INVS: variants seen among roughly 807,000 people sequenced by gnomAD.
INVS encodes inversion of embryo turning homolog.
INVS carries 86 observed loss-of-function variants against 108.8 expected under a neutral mutation model. That is an observed-to-expected ratio of 0.79 (90% CI 0.66 to 0.95). INVS has a LOEUF of 0.95. Among genes scored for constraint, INVS ranks in the 40% least tolerant of loss-of-function variants. INVS has a pLI of 0.00. For synonymous variants in INVS, 455 were observed against 473.5 expected (o/e 0.96, Z 0.51); for missense variants, 1,169 against 1,297.4 (o/e 0.90, Z 1.52).
intron 3 of INVS, chr9:100,175,880 C>T (rs1829696274): frequency 1.6e-6 from 1 of 607,036 alleles, no homozygotes; most frequent in African/African-American, 1.8e-5. Flanking sequence ...AGAGGAATCT[C>T]TGCAAGTCCT....
chr9:100,218,178 A>G (rs1443059901), intron 3 of INVS, among the ~76,000 whole-genome samples: 3 of 152,162 alleles, frequency 2.0e-5, no homozygotes, highest in Non-Finnish European at 4.4e-5. Flanking sequence ...TTTTATACCA[A>G]TTTGTAAATG....
chr9:100,195,423 A>C (rs10819739), intron 3 of INVS, among the ~76,000 whole-genome samples: 79,011 of 151,738 alleles, frequency 0.52, 21,714 homozygotes, highest in African/African-American at 0.64. Flanking sequence ...CTCAAGCAAT[A>C]CTCCCACCTC....
chr9:100,264,904 A>G lies in INVS; in HGVS notation c.1547A>G (p.Asn516Ser), dbSNP rs1564182819. ...CTGCTAGACTTTGCTGCTTTCCCTA[A>G]TCAGATGGAAAACAATGAAGAGAGG... ...KLLLDFAAFP[N>S]QMENNEERYT... Residue 516 changes from asparagine (N) to serine (S), a missense_variant, in exon 11 of 17, where the codon AAT (asparagine) becomes AGT (serine). Around this residue, in one of 3 missense-constraint regions of INVS, gnomAD observed 271 missense variants for 363.8 expected, o/e 0.74. Transcript: ENST00000262457. 1.2e-6 allele frequency: 2 copies of G among 1,611,830 alleles called. No homozygotes were observed. The highest frequency in any genetic ancestry group is 1.7e-5 in the Admixed American group (1 of 59,938).
At chr9:100,161,388 A>AAACAAAAAAAAAAAAC (rs57488885) in intron 3 of INVS, among the ~76,000 whole-genome samples, 2 of 139,046 alleles carry the variant, frequency 1.4e-5, no homozygotes, top group African/African-American at 5.9e-5. Context: ...AAAAAAAAAA[A>AAACAAAAAAAAAAAAC]AAAACCTCAT....
At chr9:100,222,820 T>G (rs1831194140) in intron 3 of INVS, among the ~76,000 whole-genome samples, 1 of 119,792 alleles carries the variant, frequency 8.3e-6, no homozygotes, top group Non-Finnish European at 1.7e-5. Context: ...CTGGGCAAAC[T>G]TTTTTTTTTT....
intron 3 of INVS, among the ~76,000 whole-genome samples, chr9:100,159,072 A>G (rs1467947249): frequency 3.3e-5 from 5 of 152,322 alleles, no homozygotes; most frequent in South Asian, 4.1e-4. Context: ...CTGCAGAACC[A>G]TAAGCCAAAT....
At chr9:100,194,624 T>A (rs570116456) in intron 3 of INVS, among the ~76,000 whole-genome samples, 1 of 152,312 alleles carries the variant, frequency 6.6e-6, no homozygotes, top group East Asian at 1.9e-4. Flanking sequence ...TAGAAGTGAT[T>A]AGAGTAGACA....
At chr9:100,245,880 A>T (rs1207787984) in intron 7 of INVS, among the ~76,000 whole-genome samples, 2 of 152,122 alleles carry the variant, frequency 1.3e-5, no homozygotes, top group African/African-American at 4.8e-5. Context: ...CATGTATTTT[A>T]TGGGCCAGGT....
intron 11 of INVS, among the ~76,000 whole-genome samples, chr9:100,268,680 C>G (rs1374431798): frequency 6.6e-6 from 1 of 152,076 alleles, no homozygotes; most frequent in Non-Finnish European, 1.5e-5. Flanking sequence ...GTTATTCTCT[C>G]TACCTTTTTT....
chr9:100,155,799 C>G (rs979633736), intron 3 of INVS, among the ~76,000 whole-genome samples: 1 of 152,094 alleles, frequency 6.6e-6, no homozygotes, highest in Non-Finnish European at 1.5e-5. Context: ...AAGTGGATCA[C>G]TATATAAAGG....
intron 3 of INVS, among the ~76,000 whole-genome samples, chr9:100,212,130 TTAAAGAC>T (rs1315886405): frequency 3.3e-5 from 5 of 152,276 alleles, no homozygotes; most frequent in East Asian, 1.9e-4. Flanking sequence ...TAAAATCACT[TTAAAGAC>T]TAAGCAACCA....
At chr9:100,170,830 A>C (rs1261386521) in intron 3 of INVS, among the ~76,000 whole-genome samples, 2 of 152,236 alleles carry the variant, frequency 1.3e-5, no homozygotes, top group Non-Finnish European at 2.9e-5. Flanking sequence ...CAACCATGAC[A>C]GGGACTATCC....
intron 14 of INVS, 44 bp from the exon 15 acceptor site, chr9:100,296,873 A>C (rs1461098927): frequency 1.4e-6 from 2 of 1,477,476 alleles, no homozygotes; most frequent in South Asian, 2.3e-5. Flanking sequence ...TAGTTTTCTC[A>C]GTACTGTGAT....
intron 3 of INVS, among the ~76,000 whole-genome samples, chr9:100,153,450 G>A (rs1588043726): frequency 6.6e-6 from 1 of 152,182 alleles, no homozygotes; most frequent in East Asian, 1.9e-4. Flanking sequence ...GCTCAATATT[G>A]TTCGTCATAA....
rs1180172724 is a variant in INVS, at chr9:100,225,947, C to T, written c.274-115C>T. On this transcript the variant is annotated intron_variant, in intron 3 of 16. Coordinates refer to ENST00000262457, the MANE Select transcript of INVS (RefSeq NM_014425.5). ...TACAAGCATTTTTCCTTATTAATTT[C>T]TCTGGATGTTATTACTCTAGGAGAA... 1.0e-5 allele frequency: 7 copies of T among 702,534 alleles called. No homozygotes were observed. In the East Asian group the frequency reaches 1.4e-4, roughly 14 times the overall value. 43.5% of individuals were successfully genotyped at this position (702,534 alleles called of 1,614,324 possible). A position where few individuals can be genotyped will look rare whatever the true frequency, so the allele number is the denominator to read the frequency against.
intron 3 of INVS, among the ~76,000 whole-genome samples, chr9:100,184,716 T>G (rs1830004962): frequency 6.6e-6 from 1 of 151,922 alleles, no homozygotes; most frequent in Non-Finnish European, 1.5e-5. Context: ...TACAAAAAAA[T>G]GCATGTGGGG....
intron 3 of INVS, among the ~76,000 whole-genome samples, chr9:100,218,965 A>G (rs144058967): frequency 1.3e-5 from 2 of 152,350 alleles, no homozygotes; most frequent in East Asian, 3.9e-4. Context: ...AAAAAGGAAA[A>G]CAAAGCAAAC....
chr9:100,300,387 T>C (rs1039600878), intron 16 of INVS, among the ~76,000 whole-genome samples, 181 bp from the exon 17 acceptor site: 1 of 152,148 alleles, frequency 6.6e-6, no homozygotes, highest in Admixed American at 6.5e-5. Flanking sequence ...AGATGTCCCA[T>C]ATCTTGAGAC....
intron 3 of INVS, among the ~76,000 whole-genome samples, chr9:100,183,222 A>G (rs1829949492): frequency 6.6e-6 from 1 of 152,156 alleles, no homozygotes; most frequent in Non-Finnish European, 1.5e-5. Flanking sequence ...GTGTATACCT[A>G]TGTAACCAAC....
Sources: gnomAD v4.1 joint callset for allele counts (sites outside exome capture counted in the v4.1 genomes callset) on GRCh38, gnomAD v4.1.1 for gene constraint, gnomAD v4.1.1 regional missense constraint, MANE v1.5 for transcripts, NCBI Gene and HGNC (gene_info 2026-07-23, HGNC 2026-07-21) for gene names.